The following SH2B3 variants were observed in gnomAD, a reference collection of about 807,000 sequenced individuals.
SH2B3 encodes the protein SH2B adaptor protein 3, also known as SH2B adapter protein 3.
Under a neutral mutation model 51.9 loss-of-function variants are expected in SH2B3, and 43 were observed. The ratio of observed to expected loss-of-function variants is 0.83; its 90% CI spans 0.65 to 1.07. SH2B3 has a LOEUF of 1.07. Among genes scored for constraint, SH2B3 ranks in the 50% least tolerant of loss-of-function variants. SH2B3 has a pLI of 0.00. For synonymous variants in SH2B3, 396 were observed against 376.0 expected (o/e 1.05, Z -0.62); for missense variants, 952 against 834.3 (o/e 1.14, Z -1.74).
At position 111,429,046 on chromosome 12, in the gene SH2B3, G is replaced by A. The variant is rs1190555588; in HGVS notation, c.732+10169G>A. On this transcript the variant is annotated intron_variant, in intron 2 of 7. Transcript: ENST00000341259. This position sits in a 1 kb window ranked among gnomAD's most constrained non-coding sequence, Gnocchi z 4.4. ...GGAGGAGGAGGAGGAGGAGGAGGAGGAAGAGGAGGAGGAGGAGGAGGAGGG... is the reference window on the plus strand; with the variant it reads ...GGAGGAGGAGGAGGAGGAGGAGGAGAAAGAGGAGGAGGAGGAGGAGGAGGG... 2.1e-5 allele frequency among the ~76,000 whole-genome samples: 3 copies of A among 146,322 alleles called. No individual in the cohort carries two copies. The highest frequency in any genetic ancestry group is 4.6e-5 in the Non-Finnish European group (3 of 65,734).
chr12:111,432,931 C>T (rs930476007), intron 2 of SH2B3, among the ~76,000 whole-genome samples: 1 of 152,240 alleles, frequency 6.6e-6, no homozygotes, highest in Non-Finnish European at 1.5e-5. Flanking sequence ...GTTATCTCCA[C>T]TTTCTGGCTG....
rs1874441085 is a variant in SH2B3 at position 111,450,095 on chromosome 12, G to T, written c.*1793G>T. ...CCAGCCACCATGCCTGGCTAATTTT[G>T]TATTTTTAGTAGAGACAGGGTTTCA... On this transcript the variant is annotated 3_prime_UTR_variant, in exon 8 of 8. Coordinates refer to ENST00000341259, the MANE Select transcript of SH2B3 (RefSeq NM_005475.3). The T allele has an allele frequency of 6.6e-6, 1 of 152,154 alleles. No individual in the cohort carries two copies. Among genetic ancestry groups the T allele is most frequent in the Non-Finnish European group, 1.5e-5 (1 of 68,044 alleles). The allele number at this position is 152,154 out of a possible 1,614,324, so 9.4% of individuals were successfully genotyped here.
At position 111,418,391 on chromosome 12, in the gene SH2B3, A is replaced by G. The variant is rs1871254814; in HGVS notation, c.246A>G (p.Gly82=). ...QRYFCREVRD[G]RAPGRDYRDT... ...ACTTCTGCCGCGAGGTGCGCGACGG[A>G]CGGGCGCCGGGCCGCGACTACCGGG... Residue 82 remains glycine (G), a synonymous_variant, in exon 2 of 8, where the codon GGA becomes GGG. Transcript: ENST00000341259. The surrounding 1 kb of genome is among the most constrained non-coding windows in gnomAD (Gnocchi z 6.7). 2.7e-6 allele frequency: 4 copies of G among 1,501,596 alleles called. No homozygotes were observed. The highest frequency in any genetic ancestry group is 1.2e-5 in the South Asian group (1 of 81,120). The allele number at this position is 1,501,596 out of a possible 1,614,324, so 93.0% of individuals were successfully genotyped here.
chr12:111,422,508 G>A (rs1256668499), intron 2 of SH2B3, among the ~76,000 whole-genome samples: 2 of 150,496 alleles, frequency 1.3e-5, no homozygotes, highest in African/African-American at 4.9e-5. Flanking sequence ...ATTTCTTTGC[G>A]TTTTAAAAGT....
At chr12:111,415,980 T>G (rs1017406022) in intron 1 of SH2B3, among the ~76,000 whole-genome samples, 1 of 151,758 alleles carries the variant, frequency 6.6e-6, no homozygotes, top group African/African-American at 2.4e-5. Flanking sequence ...CTCGCTCTGT[T>G]GCCCAGGCTG....
chr12:111,444,898 T>C (rs1468016324), intron 2 of SH2B3: 7 of 985,328 alleles, frequency 7.1e-6, no homozygotes, highest in Non-Finnish European at 8.4e-6. Flanking sequence ...TTGGCAGGCT[T>C]GGGTTGAGAT....
intron 1 of SH2B3, among the ~76,000 whole-genome samples, chr12:111,416,713 C>CT (rs2135544164): frequency 6.6e-6 from 1 of 152,264 alleles, no homozygotes; most frequent in African/African-American, 2.4e-5. Context: ...AGGCTGGTCT[C>CT]TAACTCCTGA....
chr12:111,405,808 A>T (rs1870193203), upstream of SH2B3: 1 of 151,334 alleles, frequency 6.6e-6, no homozygotes, highest in Non-Finnish European at 1.5e-5. This position sits in a 1 kb window ranked among gnomAD's most constrained non-coding sequence, Gnocchi z 5.4. Context: ...CCTCCAGCCG[A>T]ATCTCCGACT....
Position 111,447,654 on chromosome 12 carries a change from A to G in SH2B3, c.1237-2A>G. 1.2e-6 allele frequency: 2 copies of G among 1,610,810 alleles called. No individual in the cohort carries two copies. The highest frequency in any genetic ancestry group is 1.1e-5 in the South Asian group (1 of 91,006). Reference sequence around the variant, plus strand: ...CGAGCCCACCATCCTCTCCTCCCACAGCACCTGCGCCTGTCGCTGACAGAG... The same window carrying G: ...CGAGCCCACCATCCTCTCCTCCCACGGCACCTGCGCCTGTCGCTGACAGAG... On this transcript the variant is annotated splice_acceptor_variant, in intron 6 of 7. Transcript: ENST00000341259. LOFTEE classifies it high-confidence loss of function.
chr12:111,431,129 A>C (rs2135572266), intron 2 of SH2B3, among the ~76,000 whole-genome samples: 1 of 152,068 alleles, frequency 6.6e-6, no homozygotes, highest in Admixed American at 6.5e-5. Flanking sequence ...GTTGAGGAGG[A>C]GGCTGTGGCC....
Position 111,429,048 on chromosome 12 carries a change from A to C in SH2B3, c.732+10171A>C. 8.0e-6 allele frequency among the ~76,000 whole-genome samples: 1 copy of C among 125,196 alleles called. No homozygotes were observed. The highest frequency in any genetic ancestry group is 1.7e-5 in the Non-Finnish European group (1 of 58,140). The allele number at this position is 125,196 out of a possible 152,430, so 82.1% of individuals were successfully genotyped here. On this transcript the variant is annotated intron_variant, in intron 2 of 7. Coordinates refer to ENST00000341259, the MANE Select transcript of SH2B3 (RefSeq NM_005475.3). The surrounding 1 kb of genome is among the most constrained non-coding windows in gnomAD (Gnocchi z 4.4). ...AGGAGGAGGAGGAGGAGGAGGAGGA[A>C]GAGGAGGAGGAGGAGGAGGAGGGAC...
intron 2 of SH2B3, among the ~76,000 whole-genome samples, chr12:111,439,336 A>G (rs559107977): frequency 1.2e-3 from 180 of 152,276 alleles, no homozygotes; most frequent in Non-Finnish European, 2.1e-3. Flanking sequence ...TTTAGTAGAG[A>G]CAGAGTTTCT....
chr12:111,447,093 CA>C, intron 4 of SH2B3, 31 bp from the exon 5 acceptor site: 1 of 1,610,002 alleles, frequency 6.2e-7, no homozygotes, highest in Non-Finnish European at 8.5e-7. Flanking sequence ...CTGACCTGCC[CA>C]GATCCTTAAC....
Position 111,418,323 on chromosome 12 carries a change from G to A in SH2B3, c.178G>A (p.Ala60Thr), listed in dbSNP as rs1256080768. ...REHPQHAPLRAELVSLQFTDL... is the reference protein window; with the variant it reads ...REHPQHAPLRTELVSLQFTDL... Reference sequence around the variant, plus strand: ...GCATCCGCAGCACGCGCCGCTGCGCGCCGAGCTGGTGTCGCTGCAGTTCAC... The same window carrying A: ...GCATCCGCAGCACGCGCCGCTGCGCACCGAGCTGGTGTCGCTGCAGTTCAC... The change falls in exon 2 of 8, where the codon GCC becomes ACC. Residue 60 changes from alanine (A) to threonine (T), a missense_variant. Physicochemically the swap from Ala to Thr is moderately conservative, Grantham distance 58 (BLOSUM62 0). Transcript: ENST00000341259. This position sits in a 1 kb window ranked among gnomAD's most constrained non-coding sequence, Gnocchi z 6.7. 6.6e-7 allele frequency: 1 copy of A among 1,526,220 alleles called. No individual in the cohort carries two copies. Among genetic ancestry groups the A allele is most frequent in the Non-Finnish European group, 8.8e-7 (1 of 1,142,460 alleles). 94.5% of individuals were successfully genotyped at this position (1,526,220 alleles called of 1,614,324 possible).
intron 2 of SH2B3, among the ~76,000 whole-genome samples, chr12:111,437,957 A>G (rs576251310): frequency 6.6e-6 from 1 of 152,206 alleles, no homozygotes; most frequent in South Asian, 2.1e-4. Context: ...CCCCAACCCC[A>G]AGAGGAACTC....
upstream of SH2B3, among the ~76,000 whole-genome samples, chr12:111,405,277 A>G (rs951213124): frequency 2.0e-5 from 3 of 152,176 alleles, no homozygotes; most frequent in Admixed American, 2.0e-4. The surrounding 1 kb of genome is among the most constrained non-coding windows in gnomAD (Gnocchi z 5.4). Context: ...CACCGGCTGT[A>G]GCAAAGGCAA....
Position 111,448,010 on chromosome 12 carries a change from TCTCCCTTC to T in SH2B3, c.1440_1447del (p.Pro482GlyfsTer18). The T allele has an allele frequency of 6.2e-7, 1 of 1,612,680 alleles. No individual in the cohort carries two copies. The highest frequency in any genetic ancestry group is 1.1e-5 in the South Asian group (1 of 90,928). On this transcript the variant is annotated frameshift_variant, in exon 8 of 8. Coordinates refer to ENST00000341259, the MANE Select transcript of SH2B3 (RefSeq NM_005475.3). LOFTEE classifies it high-confidence loss of function. ...TCCTGCAACACGGTCCTCTTCCCTT[TCTCCCTTC>T]CTCACTGGGATTCAGAGTCCCTTCC...
chr12:111,418,072 G>C lies in SH2B3; in HGVS notation c.-27-47G>C. 1 of 1,411,230 alleles carries C rather than the reference G, an allele frequency of 7.1e-7. No individual in the cohort carries two copies. Among genetic ancestry groups the C allele is most frequent in the Non-Finnish European group, 9.3e-7 (1 of 1,070,918 alleles). 87.4% of individuals were successfully genotyped at this position (1,411,230 alleles called of 1,614,324 possible). A position where few individuals can be genotyped will look rare whatever the true frequency, so the allele number is the denominator to read the frequency against. On this transcript the variant is annotated intron_variant, in intron 1 of 7. Transcript: ENST00000341259. The surrounding 1 kb of genome is among the most constrained non-coding windows in gnomAD (Gnocchi z 6.7). ...TGTGTAATGGGGCCTACACCTGCTTGCCCACCTGCTTACTCCTTGTCGCCC... is the reference window on the plus strand; with the variant it reads ...TGTGTAATGGGGCCTACACCTGCTTCCCCACCTGCTTACTCCTTGTCGCCC...
intron 2 of SH2B3, among the ~76,000 whole-genome samples, chr12:111,426,981 G>C (rs760917288): frequency 2.6e-5 from 4 of 152,122 alleles, no homozygotes; most frequent in Non-Finnish European, 5.9e-5. Flanking sequence ...CTGGGCCTGA[G>C]GTGTGCGTCT....
Sources: gnomAD v4.1 joint callset for allele counts (sites outside exome capture counted in the v4.1 genomes callset) on GRCh38, gnomAD v4.1.1 for gene constraint, Gnocchi (gnomAD v3.1) non-coding constraint, MANE v1.5 for transcripts, NCBI Gene and HGNC (gene_info 2026-07-23, HGNC 2026-07-21) for gene names.